The following GFI1B variants were observed in gnomAD, a reference collection of about 807,000 sequenced individuals.
GFI1B encodes zinc finger protein Gfi-1b.
GFI1B carries 20 observed loss-of-function variants against 35.3 expected under a neutral mutation model. The ratio of observed to expected loss-of-function variants is 0.57; its 90% CI spans 0.40 to 0.82. The LOEUF (loss-of-function observed/expected upper bound fraction) is 0.82, where lower values mean the gene tolerates loss of function less well. Among genes scored for constraint, GFI1B ranks in the 40% least tolerant of loss-of-function variants. The pLI is 0.00. For missense variants in GFI1B, 430 were observed against 446.3 expected, an observed-to-expected ratio of 0.96 and a Z score of 0.33; for synonymous variants, 178 against 177.6, an observed-to-expected ratio of 1.00 and a Z score of -0.02.
chr9:132,972,959 G>A (rs1297282850), intron 2 of GFI1B, among the ~76,000 whole-genome samples: 1 of 152,222 alleles, frequency 6.6e-6, no homozygotes, highest in African/African-American at 2.4e-5. Context: ...CCAGGTGGAC[G>A]TTTCCTACTT....
At chr9:132,948,518 A>G (rs1440448195) in intron 1 of GFI1B, among the ~76,000 whole-genome samples, 1 of 152,230 alleles carries the variant, frequency 6.6e-6, no homozygotes, top group Non-Finnish European at 1.5e-5. Flanking sequence ...GGACACCACC[A>G]GCCAAAAATA....
chr9:132,970,364 GC>G (rs1362185142), intron 1 of GFI1B, among the ~76,000 whole-genome samples: 10 of 152,154 alleles, frequency 6.6e-5, no homozygotes, highest in Non-Finnish European at 1.5e-4. Context: ...ACTCGAAGGG[GC>G]TTGACTGGGG....
chr9:132,961,125 G>T (rs144566106), intron 1 of GFI1B, among the ~76,000 whole-genome samples: 1 of 152,142 alleles, frequency 6.6e-6, no homozygotes, highest in Non-Finnish European at 1.5e-5. Context: ...AATCATACGA[G>T]TGCAAGAAGA....
chr9:132,952,308 A>C (rs1056759905), intron 1 of GFI1B: 1 of 151,724 alleles, frequency 6.6e-6, no homozygotes, highest in Non-Finnish European at 1.5e-5. Context: ...AAACAGTTTT[A>C]TCTCTCTCTC....
chr9:132,990,970 A>G lies in GFI1B; in HGVS notation c.913A>G (p.Ser305Gly). ...SRKHTGFKPF[S>G]CELCTKGFQR... ...CAAGCACACAGGCTTCAAGCCCTTC[A>G]GCTGTGAGCTGTGCACCAAAGGCTT... Residue 305 changes from serine to glycine, a missense_variant, in exon 7 of 7, where the codon AGC becomes GGC. Ser to Gly is a moderately conservative substitution (Grantham distance 56). Coordinates refer to ENST00000372122, the MANE Select transcript of GFI1B (RefSeq NM_001377304.1). The G allele has an allele frequency of 1.2e-6, 2 of 1,614,166 alleles. No homozygotes were observed. Among genetic ancestry groups the G allele is most frequent in the Non-Finnish European group, 1.7e-6 (2 of 1,179,968 alleles).
chr9:132,954,735 T>G (rs1848257902), intron 1 of GFI1B, among the ~76,000 whole-genome samples: 1 of 151,900 alleles, frequency 6.6e-6, no homozygotes, highest in Non-Finnish European at 1.5e-5. Context: ...TTTTTTTTTT[T>G]TGAGATGGAG....
Position 132,986,787 on chromosome 9 carries a change from G to A in GFI1B, c.100+9G>A, listed in dbSNP as rs781606245. The A allele has an allele frequency of 6.3e-7, 1 of 1,581,806 alleles. No individual in the cohort carries two copies. The highest frequency in any genetic ancestry group is 1.3e-5 in the African/African-American group (1 of 74,438). On this transcript the variant is annotated intron_variant, in intron 2 of 6. Coordinates refer to ENST00000372122, the MANE Select transcript of GFI1B (RefSeq NM_001377304.1). ...TCCTGCCCTTACCCCGGGTGAGTCA[G>A]AGCCCGGGCTGGCGCCTGCTGCACC... is the stretch of plus-strand genomic sequence containing the variant.
At position 132,988,229 on chromosome 9, in the gene GFI1B, G is replaced by A. The variant is rs565772612; in HGVS notation, c.271G>A (p.Gly91Arg). 5.0e-6 allele frequency: 8 copies of A among 1,613,974 alleles called. No homozygotes were observed. In the South Asian group the frequency reaches 8.8e-5, roughly 18 times the overall value. The change falls in exon 4 of 7, where the codon GGG (glycine) becomes AGG (arginine). Residue 91 changes from glycine (G) to arginine (R), a missense_variant. By Grantham distance (125) the Gly-to-Arg change is moderately radical (BLOSUM62 -2). Coordinates refer to ENST00000372122, the MANE Select transcript of GFI1B (RefSeq NM_001377304.1). The part of the protein sequence containing the change: ...GPIVLSRPQD[G>R]DSPLSDSPPF... ...CATTGTGCTGTCCCGACCCCAGGAT[G>A]GGGACTCTCCACTGTCCGACTCACC...
chr9:132,965,724 C>T (rs1211183247), intron 1 of GFI1B, among the ~76,000 whole-genome samples: 1 of 152,198 alleles, frequency 6.6e-6, no homozygotes, highest in Non-Finnish European at 1.5e-5. Flanking sequence ...GGGAGAGAGG[C>T]CTGGGTCAGG....
At chr9:132,992,042 G>A (rs187214844), downstream of GFI1B, among the ~76,000 whole-genome samples, 16 of 152,178 alleles carry the variant, frequency 1.1e-4, no homozygotes, top group African/African-American at 2.9e-4. Context: ...AGTCTCATGG[G>A]GCTAACATCA....
At chr9:132,956,507 T>C (rs1387054636) in intron 1 of GFI1B, among the ~76,000 whole-genome samples, 1 of 152,200 alleles carries the variant, frequency 6.6e-6, no homozygotes, top group Non-Finnish European at 1.5e-5. Flanking sequence ...AGACAGAGAC[T>C]CCAGGAACCC....
In GFI1B at chr9:132,991,217, T is replaced by C; in HGVS notation, c.*167T>C. The stretch of plus-strand genomic sequence containing the variant: ...GCTGTGTGACCTTGGGCAAGTCACT[T>C]ACCCTGTCTGGATCAACATTTCTCC... On this transcript the variant is annotated 3_prime_UTR_variant, in exon 7 of 7. Transcript: ENST00000372122. 1 of 652,668 alleles carries C rather than the reference T, an allele frequency of 1.5e-6. No individual in the cohort carries two copies. The highest frequency in any genetic ancestry group is 2.7e-5 in the East Asian group (1 of 36,508). 40.4% of individuals were successfully genotyped at this position (652,668 alleles called of 1,614,324 possible). A position where few individuals can be genotyped will look rare whatever the true frequency, so the allele number is the denominator to read the frequency against.
intron 1 of GFI1B, among the ~76,000 whole-genome samples, chr9:132,984,698 C>T (rs1375304734): frequency 6.6e-6 from 1 of 152,182 alleles, no homozygotes; most frequent in Non-Finnish European, 1.5e-5. Context: ...TTGGGATCCC[C>T]GTTTAGCAGA....
intron 1 of GFI1B, among the ~76,000 whole-genome samples, chr9:132,949,511 G>A (rs1185412025): frequency 6.6e-6 from 1 of 152,042 alleles, no homozygotes; most frequent in Non-Finnish European, 1.5e-5. Context: ...ACTGCAGGGG[G>A]ACCATTCAAA....
At chr9:132,970,441 G>A (rs1430275709) in intron 1 of GFI1B, among the ~76,000 whole-genome samples, 1 of 152,070 alleles carries the variant, frequency 6.6e-6, no homozygotes, top group Non-Finnish European at 1.5e-5. Context: ...ACGCACGCAT[G>A]CACGCACGCA....
chr9:132,989,690 G>C lies in GFI1B; in HGVS notation c.649-52G>C. 6.6e-7 allele frequency: 1 copy of C among 1,521,734 alleles called. No homozygotes were observed. The highest frequency in any genetic ancestry group is 9.1e-7 in the Non-Finnish European group (1 of 1,100,538). 94.3% of individuals were successfully genotyped at this position (1,521,734 alleles called of 1,614,324 possible). ...CTGTTCCGCAGGGGATCCCGGCCGG[G>C]TCCAGTCCTGAGCCTGCACCTGACC... On this transcript the variant is annotated intron_variant, in intron 5 of 6. Transcript: ENST00000372122. This position sits in a 1 kb window ranked among gnomAD's most constrained non-coding sequence, Gnocchi z 6.2.
chr9:132,948,880 G>C (rs1367180056), intron 1 of GFI1B, among the ~76,000 whole-genome samples: 7 of 152,220 alleles, frequency 4.6e-5, no homozygotes, highest in Non-Finnish European at 1.0e-4. Flanking sequence ...GCTCCCCTCT[G>C]AGCCACACCC....
chr9:132,990,356 C>A (rs1017741462), intron 6 of GFI1B, among the ~76,000 whole-genome samples: 1 of 149,938 alleles, frequency 6.7e-6, no homozygotes, highest in Non-Finnish European at 1.5e-5. Context: ...CTCATTTGCT[C>A]ATTCATTTGT....
At chr9:132,967,832 A>G (rs1848471723) in intron 1 of GFI1B, among the ~76,000 whole-genome samples, 1 of 152,152 alleles carries the variant, frequency 6.6e-6, no homozygotes, top group Non-Finnish European at 1.5e-5. Context: ...CCCAGGCTAG[A>G]GTGCAGTGGC....
Sources: gnomAD v4.1 joint callset for allele counts (sites outside exome capture counted in the v4.1 genomes callset) on GRCh38, gnomAD v4.1.1 for gene constraint, Gnocchi (gnomAD v3.1) non-coding constraint, MANE v1.5 for transcripts, NCBI Gene and HGNC (gene_info 2026-07-23, HGNC 2026-07-21) for gene names.